The following PIK3AP1 variants were observed in gnomAD, a reference collection of about 807,000 sequenced individuals.
PIK3AP1 encodes the protein phosphoinositide 3-kinase adapter protein 1.
Under a neutral mutation model 88.1 loss-of-function variants are expected in PIK3AP1, and 21 were observed. The observed-to-expected ratio is 0.24, with a 90% CI of 0.17 to 0.34. The LOEUF (loss-of-function observed/expected upper bound fraction) is 0.34, where lower values mean the gene tolerates loss of function less well. Among genes scored for constraint, PIK3AP1 ranks in the 10% least tolerant of loss-of-function variants. PIK3AP1 has a pLI of 1.00. For missense variants in PIK3AP1, 828 were observed against 1,035.7 expected, an observed-to-expected ratio of 0.80 and a Z score of 2.75; for synonymous variants, 398 against 400.0, an observed-to-expected ratio of 1.00 and a Z score of 0.06.
chr10:96,692,297 T>C (rs1198093630), intron 2 of PIK3AP1, among the ~76,000 whole-genome samples: 2 of 152,200 alleles, frequency 1.3e-5, no homozygotes, highest in African/African-American at 4.8e-5. Flanking sequence ...ATATTGTGGC[T>C]GGGTGCAGTG....
chr10:96,650,530 C>T (rs1843522806), intron 6 of PIK3AP1, among the ~76,000 whole-genome samples: 1 of 152,228 alleles, frequency 6.6e-6, no homozygotes. Context: ...GGAGCAGTTC[C>T]AGCCCTCACT....
At chr10:96,665,999 C>T (rs1217086266) in intron 2 of PIK3AP1, among the ~76,000 whole-genome samples, 3 of 152,016 alleles carry the variant, frequency 2.0e-5, no homozygotes, top group Admixed American at 2.0e-4. Flanking sequence ...TGAACGTGGT[C>T]GATTTGCATT....
At chr10:96,653,097 A>AT (rs2134235967) in intron 3 of PIK3AP1, among the ~76,000 whole-genome samples, 1 of 152,100 alleles carries the variant, frequency 6.6e-6, no homozygotes, top group South Asian at 2.1e-4. Flanking sequence ...TGATAATAAT[A>AT]ATAACAATAA....
At chr10:96,609,192 T>C (rs1849060425) in intron 14 of PIK3AP1, among the ~76,000 whole-genome samples, 1 of 152,260 alleles carries the variant, frequency 6.6e-6, no homozygotes, top group African/African-American at 2.4e-5. Context: ...CATTGTTTTC[T>C]GATATTTCTG....
chr10:96,657,272 A>G (rs1012399573), intron 2 of PIK3AP1, among the ~76,000 whole-genome samples: 3 of 152,156 alleles, frequency 2.0e-5, no homozygotes, highest in African/African-American at 2.4e-5. Flanking sequence ...GAGGAAAGGA[A>G]GAAGGCCCTT....
At chr10:96,695,252 C>T (rs1165584525) in intron 2 of PIK3AP1, among the ~76,000 whole-genome samples, 1 of 152,154 alleles carries the variant, frequency 6.6e-6, no homozygotes, top group Non-Finnish European at 1.5e-5. Flanking sequence ...ATACTAAATG[C>T]CAGATCCTGC....
chr10:96,600,983 T>C (rs1848879778), intron 16 of PIK3AP1, among the ~76,000 whole-genome samples: 2 of 152,130 alleles, frequency 1.3e-5, no homozygotes, highest in Non-Finnish European at 2.9e-5. Context: ...CCAAGTATCA[T>C]ATAAACAAAG....
At chr10:96,688,973 A>G (rs1280228227) in intron 2 of PIK3AP1, among the ~76,000 whole-genome samples, 2 of 152,098 alleles carry the variant, frequency 1.3e-5, no homozygotes, top group Non-Finnish European at 2.9e-5. Flanking sequence ...ATAGCCCTTT[A>G]GCTGGACCAT....
At chr10:96,677,139 C>T (rs1843933865) in intron 2 of PIK3AP1, among the ~76,000 whole-genome samples, 1 of 152,134 alleles carries the variant, frequency 6.6e-6, no homozygotes, top group African/African-American at 2.4e-5. Context: ...CAGACATGCC[C>T]AGTGTTTGAG....
At chr10:96,610,601 A>G (rs1487230719) in intron 13 of PIK3AP1, among the ~76,000 whole-genome samples, 4 of 152,130 alleles carry the variant, frequency 2.6e-5, no homozygotes, top group Non-Finnish European at 5.9e-5. Context: ...TAATGAAAGG[A>G]GGTCCTTCAG....
chr10:96,691,422 T>C (rs1468768015), intron 2 of PIK3AP1, among the ~76,000 whole-genome samples: 1 of 152,256 alleles, frequency 6.6e-6, no homozygotes, highest in East Asian at 1.9e-4. Context: ...CTGTTTTTCA[T>C]GTAAACTGTG....
At chr10:96,606,065 AGAGTGAGACTCCGTCT>A (rs1365220259) in intron 14 of PIK3AP1, among the ~76,000 whole-genome samples, 8 of 152,246 alleles carry the variant, frequency 5.3e-5, no homozygotes, top group Non-Finnish European at 1.0e-4. Flanking sequence ...CCTGGGCGAC[AGAGTGAGACTCCGTCT>A]CAAAAACAAA....
intron 13 of PIK3AP1, among the ~76,000 whole-genome samples, chr10:96,616,345 A>C (rs531153844): frequency 1.3e-5 from 2 of 152,352 alleles, no homozygotes; most frequent in East Asian, 3.9e-4. Context: ...AGATGTCTGC[A>C]GAGGAAGTAT....
intron 2 of PIK3AP1, among the ~76,000 whole-genome samples, chr10:96,671,417 C>T (rs1156609356): frequency 1.3e-5 from 2 of 152,124 alleles, no homozygotes; most frequent in Non-Finnish European, 2.9e-5. Context: ...GTGAATTTCC[C>T]GTCCAACTAA....
intron 13 of PIK3AP1, among the ~76,000 whole-genome samples, chr10:96,610,921 A>G (rs542720264): frequency 6.6e-6 from 1 of 152,192 alleles, no homozygotes; most frequent in South Asian, 2.1e-4. Flanking sequence ...TGGCTATACA[A>G]ACTTGGGTAG....
At chr10:96,676,548 C>G (rs923484536) in intron 2 of PIK3AP1, among the ~76,000 whole-genome samples, 5 of 151,848 alleles carry the variant, frequency 3.3e-5, no homozygotes, top group Non-Finnish European at 7.4e-5. Flanking sequence ...GAACTCCAGA[C>G]ACATGGAAGC....
intron 2 of PIK3AP1, among the ~76,000 whole-genome samples, chr10:96,661,546 G>A (rs576962082): frequency 6.6e-6 from 1 of 152,276 alleles, no homozygotes; most frequent in East Asian, 1.9e-4. Context: ...GTGTACATAG[G>A]GGCAGAGCAG....
At chr10:96,635,774 G>A (rs1485739334) in intron 8 of PIK3AP1, among the ~76,000 whole-genome samples, 1 of 151,818 alleles carries the variant, frequency 6.6e-6, no homozygotes, top group East Asian at 1.9e-4. Flanking sequence ...GTGTGGTGGT[G>A]GGCGCCTGTG....
In PIK3AP1 at chr10:96,595,626, G is replaced by A. The variant is rs1334720195; in HGVS notation, c.2369C>T (p.Thr790Ile). ...PPRAASQRPP[T>I]RETFHPPPPV... Reference sequence around the variant, plus strand: ...TGGAGGAGGATGGAAGGTCTCCCTGGTCGGAGGCCTAAAATGAAAGATAAG... The same window carrying A: ...TGGAGGAGGATGGAAGGTCTCCCTGATCGGAGGCCTAAAATGAAAGATAAG... Residue 790 changes from threonine (T) to isoleucine (I), a missense_variant, in exon 17 of 17, where the codon ACC (threonine) becomes ATC (isoleucine). Thr to Ile is a moderately conservative substitution (Grantham distance 89, BLOSUM62 -1). Around this residue, in one of 3 missense-constraint regions of PIK3AP1, gnomAD observed 191 missense variants for 208.6 expected, o/e 0.92. Coordinates refer to ENST00000339364, the MANE Select transcript of PIK3AP1 (RefSeq NM_152309.3). 3 of 1,613,056 alleles carry A rather than the reference G, an allele frequency of 1.9e-6. No individual in the cohort carries two copies. Among genetic ancestry groups the A allele is most frequent in the Middle Eastern group, 1.6e-4 (1 of 6,072 alleles).
Sources: allele counts gnomAD v4.1 joint callset (sites outside exome capture counted in the v4.1 genomes callset), GRCh38; gene constraint gnomAD v4.1.1; regional missense constraint gnomAD v4.1.1; transcripts MANE v1.5; gene names NCBI Gene and HGNC (gene_info 2026-07-23, HGNC 2026-07-21).